CPE: variants seen among roughly 807,000 people sequenced by gnomAD.
The protein encoded by CPE is carbocypeptidase E.
Under a neutral mutation model 53.5 loss-of-function variants are expected in CPE, and 17 were observed. The observed-to-expected ratio is 0.32, with a 90% CI of 0.22 to 0.48. The LOEUF is 0.48. CPE is among the 20% of genes least tolerant of loss of function. The pLI is 0.99. For synonymous variants in CPE, 226 were observed against 228.8 expected (o/e 0.99, Z 0.11); for missense variants, 524 against 614.7 (o/e 0.85, Z 1.56).
intron 1 of CPE, among the ~76,000 whole-genome samples, chr4:165,385,417 G>GT (rs376325931): frequency 0.32 from 40,263 of 126,312 alleles, 7,366 homozygotes; most frequent in African/African-American, 0.55. Flanking sequence ...TCTTCTTACT[G>GT]TTTTATTTTT....
At chr4:165,392,354 A>G (rs1374826572) in intron 1 of CPE, among the ~76,000 whole-genome samples, 1 of 146,576 alleles carries the variant, frequency 6.8e-6, no homozygotes, top group Non-Finnish European at 1.5e-5. Flanking sequence ...AATATGTAAT[A>G]TACATATATC....
intron 1 of CPE, among the ~76,000 whole-genome samples, chr4:165,385,546 G>A (rs1371797101): frequency 6.8e-6 from 1 of 148,016 alleles, no homozygotes; most frequent in African/African-American, 2.5e-5. Context: ...AGGGCTCAAG[G>A]TGTCTCCCTC....
At chr4:165,406,192 A>G (rs1392190745) in intron 1 of CPE, 4 of 692,972 alleles carry the variant, frequency 5.8e-6, no homozygotes, top group Non-Finnish European at 1.1e-5. Context: ...GAGTTAATTT[A>G]AATAACTATC....
chr4:165,464,364 C>G (rs1732062343), intron 1 of CPE, 26 bp from the exon 2 acceptor site: 2 of 1,538,338 alleles, frequency 1.3e-6, no homozygotes, highest in African/African-American at 1.4e-5. Flanking sequence ...TAGAAAACAT[C>G]TCCATGCTAT....
intron 1 of CPE, among the ~76,000 whole-genome samples, chr4:165,421,219 T>C (rs1344550040): frequency 6.6e-6 from 1 of 152,174 alleles, no homozygotes; most frequent in Non-Finnish European, 1.5e-5. Flanking sequence ...ATTTCTCATT[T>C]TCTGTAGTAG....
chr4:165,435,587 C>G (rs1731486671), intron 1 of CPE, among the ~76,000 whole-genome samples: 1 of 152,140 alleles, frequency 6.6e-6, no homozygotes, highest in South Asian at 2.1e-4. Flanking sequence ...GATATGAGGA[C>G]TATGACCTCT....
At chr4:165,474,731 C>G (rs1732265444) in intron 3 of CPE, among the ~76,000 whole-genome samples, 3 of 152,194 alleles carry the variant, frequency 2.0e-5, no homozygotes, top group Admixed American at 2.0e-4. Flanking sequence ...ATCTGTTAAC[C>G]TAGAACCAAC....
chr4:165,495,593 T>A lies in CPE; in HGVS notation c.1248T>A (p.Pro416=), dbSNP rs765785853. ...GTGATTACTGGAGATTGCTTATACC[T>A]GGAAACTATAAACTTACAGCCTCAG... The part of the protein sequence containing the change: ...KDGDYWRLLI[P]GNYKLTASAP... The change falls in exon 8 of 9, where the codon CCT becomes CCA. Residue 416 remains proline (P), a synonymous_variant. Transcript: ENST00000402744. 1 of 1,613,710 alleles carries A rather than the reference T, an allele frequency of 6.2e-7. No homozygotes were observed. The highest frequency in any genetic ancestry group is 8.5e-7 in the Non-Finnish European group (1 of 1,179,876).
intron 1 of CPE, among the ~76,000 whole-genome samples, chr4:165,451,213 A>G (rs1330984970): frequency 1.3e-5 from 2 of 152,158 alleles, no homozygotes; most frequent in African/African-American, 4.8e-5. Context: ...TATTGTCTAT[A>G]TTCCTGGAAG....
intron 3 of CPE, among the ~76,000 whole-genome samples, chr4:165,474,310 G>A (rs1482369761): frequency 6.6e-6 from 1 of 152,114 alleles, no homozygotes; most frequent in East Asian, 1.9e-4. Context: ...TTCATTTTTA[G>A]GCCAAACGAT....
At chr4:165,408,685 A>G (rs1320851047) in intron 1 of CPE, among the ~76,000 whole-genome samples, 20 of 152,198 alleles carry the variant, frequency 1.3e-4, no homozygotes, top group Admixed American at 1.3e-3. Flanking sequence ...AGTTTGATTC[A>G]GTAGGTCTGA....
chr4:165,460,990 A>T (rs1390172459), intron 1 of CPE, among the ~76,000 whole-genome samples: 1 of 151,222 alleles, frequency 6.6e-6, no homozygotes, highest in Non-Finnish European at 1.5e-5. Context: ...CCTGGGCAAC[A>T]TGACAAAACC....
At position 165,432,079 on chromosome 4, in the gene CPE, G is replaced by A. The variant is rs561347667; in HGVS notation, c.308-32311G>A. ...TCAGTATGATGCCAGAGAAAAAGAA[G>A]GTCGGGGAAGACAAAGACACTCCCA... On this transcript the variant is annotated intron_variant, in intron 1 of 8. Transcript: ENST00000402744. Among the ~76,000 whole-genome samples the A allele has an allele frequency of 8.6e-5, 13 of 152,000 alleles. 1 individual carries two copies. The East Asian group carries it at 2.5e-3, about 29-fold the overall frequency.
At chr4:165,491,276 A>G (rs1048220053) in intron 6 of CPE, among the ~76,000 whole-genome samples, 14 of 152,232 alleles carry the variant, frequency 9.2e-5, no homozygotes, top group African/African-American at 2.9e-4. Flanking sequence ...TTACTTTACA[A>G]TGATGTGGGA....
intron 1 of CPE, among the ~76,000 whole-genome samples, chr4:165,430,179 A>G (rs1731385449): frequency 6.6e-6 from 1 of 152,226 alleles, no homozygotes; most frequent in Non-Finnish European, 1.5e-5. Flanking sequence ...TTTTTTAAAA[A>G]ATATTGCTTG....
At chr4:165,459,686 G>GGGGGGGGGGGGT (rs1363484864) in intron 1 of CPE, among the ~76,000 whole-genome samples, 2 of 116,736 alleles carry the variant, frequency 1.7e-5, no homozygotes, top group South Asian at 2.7e-4. Context: ...GGGGGGGGCG[G>GGGGGGGGGGGGT]GGCAGATCAT....
Position 165,379,937 on chromosome 4 carries a change from A to AG in CPE, c.307+415dup, listed in dbSNP as rs1029875633. Among the ~76,000 whole-genome samples, 1 of 152,214 alleles carries AG rather than the reference A, an allele frequency of 6.6e-6. No homozygotes were observed. The highest frequency in any genetic ancestry group is 6.5e-5 in the Admixed American group (1 of 15,286). ...AAGGAATGATTGCGAGTCCCCCGCA[A>AG]GGGGGGTTGGTCTTCCTTGCTGACA... is the stretch of plus-strand genomic sequence containing the variant. On this transcript the variant is annotated intron_variant, in intron 1 of 8. Coordinates refer to ENST00000402744, the MANE Select transcript of CPE (RefSeq NM_001873.4). The surrounding 1 kb of genome is among the most constrained non-coding windows in gnomAD (Gnocchi z 6.0).
At chr4:165,421,735 A>C (rs28510895) in intron 1 of CPE, among the ~76,000 whole-genome samples, 44,984 of 152,072 alleles carry the variant, frequency 0.3, 6,745 homozygotes, top group Middle Eastern at 0.39. Context: ...ATATCATATC[A>C]TGATTTAGAA....
chr4:165,446,795 TCTC>T (rs113474689), intron 1 of CPE, among the ~76,000 whole-genome samples: 1,934 of 152,336 alleles, frequency 0.013, 30 homozygotes, highest in African/African-American at 0.033. Flanking sequence ...AAATTCATAT[TCTC>T]CTCAAATCAA....
Sources: gnomAD v4.1 joint callset for allele counts (sites outside exome capture counted in the v4.1 genomes callset) on GRCh38, gnomAD v4.1.1 for gene constraint, Gnocchi (gnomAD v3.1) non-coding constraint, MANE v1.5 for transcripts, NCBI Gene and HGNC (gene_info 2026-07-23, HGNC 2026-07-21) for gene names.